The following MYO3B variants were observed in gnomAD, a reference collection of about 807,000 sequenced individuals.
MYO3B encodes myosin-IIIb.
MYO3B carries 156 observed loss-of-function variants against 174.6 expected under a neutral mutation model. That is an observed-to-expected ratio of 0.89 (90% CI 0.78 to 1.02). MYO3B has a LOEUF of 1.02. MYO3B is among the 50% of genes least tolerant of loss of function. The pLI is 0.00. For synonymous variants in MYO3B, 563 were observed against 569.1 expected (o/e 0.99, Z 0.15); for missense variants, 1,632 against 1,639.4 (o/e 1.00, Z 0.08).
intron 7 of MYO3B, among the ~76,000 whole-genome samples, chr2:170,246,984 A>G (rs1295862547): frequency 6.6e-6 from 1 of 152,196 alleles, no homozygotes; most frequent in East Asian, 1.9e-4. Flanking sequence ...ACAATCTTAC[A>G]TAACATACTT....
chr2:170,354,541 G>A (rs890141193), intron 8 of MYO3B, among the ~76,000 whole-genome samples: 4 of 152,202 alleles, frequency 2.6e-5, no homozygotes, highest in African/African-American at 7.2e-5. Context: ...AAAACAGAAA[G>A]ATAACCATTC....
intron 29 of MYO3B, among the ~76,000 whole-genome samples, chr2:170,519,175 C>T (rs190964529): frequency 1.5e-4 from 23 of 152,246 alleles, no homozygotes; most frequent in African/African-American, 5.3e-4. Flanking sequence ...AATCTGTGCA[C>T]TCTTTATATC....
chr2:170,350,221 A>G (rs2094053945), intron 8 of MYO3B: 1 of 152,152 alleles, frequency 6.6e-6, no homozygotes, highest in East Asian at 1.9e-4. Context: ...CTGATCTCCA[A>G]CTTGTGGGCT....
intron 22 of MYO3B, among the ~76,000 whole-genome samples, chr2:170,436,507 T>TA (rs1437148010): frequency 6.6e-6 from 1 of 152,228 alleles, no homozygotes; most frequent in African/African-American, 2.4e-5. Context: ...CTTTCTGGGC[T>TA]ATTAATCACA....
intron 7 of MYO3B, among the ~76,000 whole-genome samples, chr2:170,262,893 C>T (rs1285035428): frequency 1.3e-5 from 2 of 152,150 alleles, no homozygotes; most frequent in East Asian, 3.9e-4. Flanking sequence ...GTCGTAGCAC[C>T]TAGCACCACA....
At chr2:170,482,527 G>T (rs763543918) in intron 25 of MYO3B, among the ~76,000 whole-genome samples, 1 of 152,196 alleles carries the variant, frequency 6.6e-6, no homozygotes, top group Non-Finnish European at 1.5e-5. Flanking sequence ...CCATGATTCT[G>T]AGGCCTCCCC....
intron 8 of MYO3B, among the ~76,000 whole-genome samples, chr2:170,353,390 G>A (rs917646602): frequency 3.3e-5 from 5 of 152,116 alleles, no homozygotes; most frequent in Admixed American, 3.3e-4. Flanking sequence ...ATCAGTAGTT[G>A]TCAGGAGTTG....
chr2:170,233,531 G>A (rs540309502), intron 6 of MYO3B, among the ~76,000 whole-genome samples: 7 of 152,312 alleles, frequency 4.6e-5, no homozygotes, highest in African/African-American at 1.4e-4. Context: ...AGGAAAGGGA[G>A]GTCTTTGGGG....
intron 7 of MYO3B, among the ~76,000 whole-genome samples, chr2:170,318,888 G>A (rs1216728447): frequency 2.0e-5 from 3 of 152,164 alleles, no homozygotes; most frequent in Admixed American, 2.0e-4. Context: ...TGTGACCATA[G>A]TGTAATTTAG....
Position 170,180,911 on chromosome 2 carries a change from AT to A in MYO3B, c.2+2624del, listed in dbSNP as rs538369799. On this transcript the variant is annotated intron_variant, in intron 1 of 34. Transcript: ENST00000408978. Reference sequence around the variant, plus strand: ...AACAAATCTTAATTGTATATTTGGCATTCTTTCCATATTAATTGGCAGAAAA... The same window carrying A: ...AACAAATCTTAATTGTATATTTGGCATCTTTCCATATTAATTGGCAGAAAA... Among the ~76,000 whole-genome samples the A allele has an allele frequency of 2.6e-4, 39 of 152,312 alleles. 1 individual carries two copies. In the South Asian group the frequency reaches 7.9e-3, roughly 31 times the overall value.
intron 7 of MYO3B, chr2:170,334,907 A>G (rs1015790802): frequency 6.5e-6 from 1 of 153,258 alleles, no homozygotes; most frequent in African/African-American, 2.4e-5. Flanking sequence ...TACATAGGAG[A>G]TAGTTAAAAA....
intron 1 of MYO3B, among the ~76,000 whole-genome samples, chr2:170,179,960 G>T (rs2092376991): frequency 6.6e-6 from 1 of 152,062 alleles, no homozygotes; most frequent in African/African-American, 2.4e-5. Flanking sequence ...CTATTCTCTA[G>T]ATTTGAAAGC....
At chr2:170,597,679 C>T (rs1011775515) in intron 32 of MYO3B, among the ~76,000 whole-genome samples, 6 of 152,166 alleles carry the variant, frequency 3.9e-5, no homozygotes, top group African/African-American at 1.4e-4. Flanking sequence ...TTTCTGATGA[C>T]TACAGTCATG....
At chr2:170,186,771 A>G (rs1290506485) in intron 1 of MYO3B, among the ~76,000 whole-genome samples, 1 of 152,100 alleles carries the variant, frequency 6.6e-6, no homozygotes, top group African/African-American at 2.4e-5. Context: ...CTTTGTTGGG[A>G]GACATTTTTA....
At chr2:170,350,060 GGC>G (rs770747531) in intron 8 of MYO3B, among the ~76,000 whole-genome samples, 14 of 151,808 alleles carry the variant, frequency 9.2e-5, no homozygotes, top group Admixed American at 8.5e-4. Flanking sequence ...GGATTGCAGT[GGC>G]GCGATCTCGG....
intron 23 of MYO3B, among the ~76,000 whole-genome samples, chr2:170,461,581 G>A (rs1243983033): frequency 6.6e-6 from 1 of 151,478 alleles, no homozygotes; most frequent in Non-Finnish European, 1.5e-5. Flanking sequence ...TTCGAGACCA[G>A]CCTGGCCAAC....
chr2:170,383,681 A>C, intron 11 of MYO3B, 29 bp from the exon 12 acceptor site: 5 of 1,541,070 alleles, frequency 3.2e-6, no homozygotes, highest in Non-Finnish European at 3.6e-6. Flanking sequence ...GGTCCAGGGG[A>C]GAGTTTCCTT....
intron 32 of MYO3B, among the ~76,000 whole-genome samples, chr2:170,595,895 G>A (rs1018078977): frequency 2.6e-5 from 4 of 152,042 alleles, no homozygotes; most frequent in African/African-American, 9.7e-5. Context: ...CTGTGGTTGC[G>A]GTTGCTAAGG....
At chr2:170,505,948 G>A (rs2106099407) in intron 28 of MYO3B, among the ~76,000 whole-genome samples, 2 of 152,314 alleles carry the variant, frequency 1.3e-5, no homozygotes, top group South Asian at 2.1e-4. Context: ...TCTGTTGTTG[G>A]ATCAGCTTCC....
Sources: allele counts gnomAD v4.1 joint callset (sites outside exome capture counted in the v4.1 genomes callset), GRCh38; gene constraint gnomAD v4.1.1; transcripts MANE v1.5; gene names NCBI Gene and HGNC (gene_info 2026-07-23, HGNC 2026-07-21).